Variants in ROBO1 observed in about 807,000 individuals in gnomAD.
ROBO1 encodes the protein roundabout guidance receptor 1, also known as roundabout homolog 1.
A neutral mutation model predicts 195.9 loss-of-function variants in ROBO1; 149 were observed. The ratio of observed to expected loss-of-function variants is 0.76; its 90% CI spans 0.67 to 0.87. The LOEUF is 0.87. Ranked by LOEUF, ROBO1 falls within the 40% of genes least tolerant of loss-of-function variation. The pLI is 0.00. For missense variants in ROBO1, 1,933 were observed against 2,068.3 expected (o/e 0.93, Z 1.27); for synonymous variants, 816 against 733.2 (o/e 1.11, Z -1.82).
At chr3:79,401,306 A>G (rs2037357540) in intron 2 of ROBO1, among the ~76,000 whole-genome samples, 1 of 151,878 alleles carries the variant, frequency 6.6e-6, no homozygotes. Context: ...TTGGGTTTTA[A>G]TATGAAGTTG....
chr3:78,917,469 A>T (rs1248536812), intron 4 of ROBO1, among the ~76,000 whole-genome samples: 3 of 152,200 alleles, frequency 2.0e-5, no homozygotes, highest in Non-Finnish European at 4.4e-5. Context: ...AAGCTAAATT[A>T]TACAAATTTA....
At chr3:79,709,286 A>T (rs2107213657) in intron 1 of ROBO1, among the ~76,000 whole-genome samples, 1 of 152,270 alleles carries the variant, frequency 6.6e-6, no homozygotes, top group Admixed American at 6.5e-5. Context: ...ACAGCTAAAA[A>T]ATATACAAAC....
intron 4 of ROBO1, among the ~76,000 whole-genome samples, chr3:78,813,683 G>C (rs1471952854): frequency 6.6e-6 from 1 of 151,950 alleles, no homozygotes; most frequent in African/African-American, 2.4e-5. Context: ...CTCAACGCAG[G>C]CATTCTGACT....
At chr3:79,564,274 TAA>T (rs1047985007) in intron 2 of ROBO1, among the ~76,000 whole-genome samples, 42 of 152,198 alleles carry the variant, frequency 2.8e-4, no homozygotes, top group African/African-American at 1.0e-3. Flanking sequence ...ATCCACTACC[TAA>T]GAGTGTAGGC....
intron 4 of ROBO1, among the ~76,000 whole-genome samples, chr3:78,853,500 T>C (rs182158414): frequency 6.6e-6 from 1 of 151,920 alleles, no homozygotes; most frequent in East Asian, 1.9e-4. Context: ...TTTATTTATA[T>C]ATTGTGATGG....
chr3:79,480,712 T>C (rs368624645), intron 2 of ROBO1, among the ~76,000 whole-genome samples: 1 of 152,146 alleles, frequency 6.6e-6, no homozygotes, highest in Non-Finnish European at 1.5e-5. Context: ...AAAAGCTAGC[T>C]GTGGAAATCA....
At chr3:79,352,963 ACT>A (rs1384199530) in intron 2 of ROBO1, among the ~76,000 whole-genome samples, 3 of 152,054 alleles carry the variant, frequency 2.0e-5, no homozygotes, top group Admixed American at 6.6e-5. Flanking sequence ...TAAATTTGTG[ACT>A]CTATTATTAT....
intron 3 of ROBO1, among the ~76,000 whole-genome samples, chr3:78,949,488 T>A (rs1301181559): frequency 6.6e-6 from 1 of 152,072 alleles, no homozygotes; most frequent in African/African-American, 2.4e-5. Flanking sequence ...ATCCCTTCCT[T>A]ACATCTTATA....
At chr3:78,661,929 A>C in intron 15 of ROBO1, 64 bp downstream of exon 15, 2 of 1,535,090 alleles carry the variant, frequency 1.3e-6, no homozygotes. Flanking sequence ...GTTACATTTT[A>C]TATGCATTGC....
rs571832438 is a variant in ROBO1 at position 79,019,173 on chromosome 3, C to G, written c.173-80246G>C. 3.0e-6 allele frequency: 3 copies of G among 986,746 alleles called. No individual in the cohort carries two copies. In the South Asian group the frequency reaches 1.4e-4, roughly 46 times the overall value. The allele number at this position is 986,746 out of a possible 1,614,324, so 61.1% of individuals were successfully genotyped here. On this transcript the variant is annotated intron_variant, in intron 3 of 30. Coordinates refer to ENST00000464233, the MANE Select transcript of ROBO1 (RefSeq NM_002941.4). ...CACTCGCACGTCTTCTGGGCGCCCC[C>G]AGCCCCGCGCGGCGCCCAACATCGC...
rs190246354 is a variant in ROBO1 at position 79,562,671 on chromosome 3, A to T, written c.88+27153T>A. 3.8e-3 allele frequency among the ~76,000 whole-genome samples: 571 copies of T among 152,224 alleles called. 2 individuals are homozygous for T. The highest frequency in any genetic ancestry group is 0.012 in the African/African-American group (487 of 41,580). On this transcript the variant is annotated intron_variant, in intron 2 of 30. Transcript: ENST00000464233. The stretch of plus-strand genomic sequence containing the variant: ...ATAAGGAGATGAAATTGAAGTACAT[A>T]GTCATAAAATCAAAACAACAACCTG...
At chr3:79,144,994 T>A (rs372900530) in intron 2 of ROBO1, among the ~76,000 whole-genome samples, 8 of 151,976 alleles carry the variant, frequency 5.3e-5, no homozygotes, top group African/African-American at 1.9e-4. Context: ...CTGGACAGAA[T>A]TGCCTACATA....
At chr3:79,735,080 C>T (rs531776176) in intron 1 of ROBO1, among the ~76,000 whole-genome samples, 2 of 152,308 alleles carry the variant, frequency 1.3e-5, no homozygotes, top group African/African-American at 4.8e-5. Context: ...ACCACTTAGA[C>T]ATTACCTCTG....
chr3:79,048,201 A>G (rs2078629838), intron 3 of ROBO1, among the ~76,000 whole-genome samples: 1 of 152,000 alleles, frequency 6.6e-6, no homozygotes, highest in South Asian at 2.1e-4. Context: ...TTCCAATTAA[A>G]CCTCTGGCTT....
chr3:79,003,300 G>C (rs540953438), intron 3 of ROBO1, among the ~76,000 whole-genome samples: 2 of 152,058 alleles, frequency 1.3e-5, no homozygotes, highest in Non-Finnish European at 2.9e-5. Context: ...TGAAATCACC[G>C]GGAGGGGAGA....
chr3:79,714,332 TA>T (rs1230745570), intron 1 of ROBO1, among the ~76,000 whole-genome samples: 3 of 152,104 alleles, frequency 2.0e-5, no homozygotes, highest in Non-Finnish European at 2.9e-5. Context: ...TGGTGATCAT[TA>T]AAAAGTCAGG....
At chr3:79,675,494 T>G (rs937536706) in intron 1 of ROBO1, among the ~76,000 whole-genome samples, 1 of 151,924 alleles carries the variant, frequency 6.6e-6, no homozygotes, top group African/African-American at 2.4e-5. Context: ...GAGTTTTCCC[T>G]CCTCTTCATG....
intron 14 of ROBO1, among the ~76,000 whole-genome samples, chr3:78,663,624 A>T (rs922768255): frequency 1.3e-5 from 2 of 152,134 alleles, no homozygotes; most frequent in Non-Finnish European, 2.9e-5. Flanking sequence ...TAATCTCACT[A>T]TTCTTCAGTT....
chr3:79,528,597 C>G (rs1941528637), intron 2 of ROBO1, among the ~76,000 whole-genome samples: 1 of 152,098 alleles, frequency 6.6e-6, no homozygotes, highest in Non-Finnish European at 1.5e-5. Flanking sequence ...AAGTTTAGTG[C>G]TTACTAGTGT....
Sources: gnomAD v4.1 joint callset for allele counts (sites outside exome capture counted in the v4.1 genomes callset) on GRCh38, gnomAD v4.1.1 for gene constraint, MANE v1.5 for transcripts, NCBI Gene and HGNC (gene_info 2026-07-23, HGNC 2026-07-21) for gene names.